MAML3: variants seen among roughly 807,000 people sequenced by gnomAD.
MAML3 encodes the protein mastermind like transcriptional coactivator 3.
MAML3 carries 27 observed loss-of-function variants against 101.9 expected under a neutral mutation model. The observed-to-expected ratio is 0.27, with a 90% confidence interval of 0.20 to 0.37. MAML3 has a LOEUF of 0.37. MAML3 is among the 10% of genes least tolerant of loss of function. The probability of loss-of-function intolerance (pLI) is 1.00; values close to 1 mark genes in which losing one functional copy is unlikely to be tolerated. For missense variants in MAML3, 1,316 were observed against 1,444.9 expected (o/e 0.91, Z 1.45); for synonymous variants, 501 against 555.9 (o/e 0.90, Z 1.39).
intron 1 of MAML3, among the ~76,000 whole-genome samples, chr4:140,012,018 A>C (rs1256039701): frequency 6.6e-6 from 1 of 152,188 alleles, no homozygotes; most frequent in Admixed American, 6.5e-5. Flanking sequence ...TCTCAAAAAA[A>C]AAAAAAGTCT....
chr4:139,811,043 G>A (rs1184034542), intron 2 of MAML3, among the ~76,000 whole-genome samples: 5 of 152,230 alleles, frequency 3.3e-5, no homozygotes, highest in African/African-American at 1.2e-4. Context: ...CAAGCATGAG[G>A]ATAAAAGCCA....
chr4:140,014,260 C>T (rs1726608590), intron 1 of MAML3, among the ~76,000 whole-genome samples: 1 of 152,090 alleles, frequency 6.6e-6, no homozygotes, highest in Non-Finnish European at 1.5e-5. Flanking sequence ...TCCAACCAAC[C>T]AGAGAGTAGA....
At chr4:139,915,056 A>C (rs1733001369) in intron 1 of MAML3, among the ~76,000 whole-genome samples, 1 of 152,222 alleles carries the variant, frequency 6.6e-6, no homozygotes, top group African/African-American at 2.4e-5. Context: ...ACCTTAAGTC[A>C]ACCGGGAGGC....
At chr4:139,942,723 G>C (rs777380060) in intron 1 of MAML3, among the ~76,000 whole-genome samples, 1 of 151,578 alleles carries the variant, frequency 6.6e-6, no homozygotes, top group Non-Finnish European at 1.5e-5. Flanking sequence ...CTATGATTAG[G>C]TATATTTCTT....
At chr4:139,730,391 T>G in intron 3 of MAML3, 25 bp downstream of exon 3, 2 of 1,543,880 alleles carry the variant, frequency 1.3e-6, no homozygotes, top group Non-Finnish European at 1.7e-6. Flanking sequence ...AATGAATGAA[T>G]GAATCACGCC....
intron 1 of MAML3, among the ~76,000 whole-genome samples, chr4:140,147,658 T>A (rs192126946): frequency 1.3e-5 from 2 of 152,356 alleles, no homozygotes; most frequent in African/African-American, 2.4e-5. Context: ...GTTTTAAATA[T>A]GTTCCTCTTT....
At chr4:140,003,256 G>A (rs935408364) in intron 1 of MAML3, among the ~76,000 whole-genome samples, 5 of 152,178 alleles carry the variant, frequency 3.3e-5, no homozygotes, top group Non-Finnish European at 7.3e-5. Flanking sequence ...GGAAGTGACA[G>A]CAGCATTGCT....
chr4:139,930,202 C>T (rs1357509017), intron 1 of MAML3, among the ~76,000 whole-genome samples: 2 of 152,134 alleles, frequency 1.3e-5, no homozygotes, highest in Admixed American at 6.5e-5. Context: ...GAAAGTACCA[C>T]GTGGAAGATG....
chr4:140,017,798 G>C (rs890530202), intron 1 of MAML3, among the ~76,000 whole-genome samples: 2 of 68,306 alleles, frequency 2.9e-5, no homozygotes, highest in Non-Finnish European at 7.0e-5. Context: ...AATAGGTGTA[G>C]CTATAACAGG....
At chr4:140,140,518 T>C (rs111326009) in intron 1 of MAML3, among the ~76,000 whole-genome samples, 3 of 152,022 alleles carry the variant, frequency 2.0e-5, no homozygotes, top group Non-Finnish European at 4.4e-5. Flanking sequence ...AAGCTTACAG[T>C]GAGCACATAG....
At chr4:140,016,682 G>T (rs10024716) in intron 1 of MAML3, among the ~76,000 whole-genome samples, 2 of 151,890 alleles carry the variant, frequency 1.3e-5, no homozygotes, top group East Asian at 3.9e-4. Context: ...GCAATTTCAC[G>T]GAGGAAGGAC....
At chr4:140,106,393 A>G (rs1168140082) in intron 1 of MAML3, among the ~76,000 whole-genome samples, 3 of 152,202 alleles carry the variant, frequency 2.0e-5, no homozygotes, top group Non-Finnish European at 2.9e-5. Context: ...CTTACATGAT[A>G]CACATGGTAA....
chr4:139,909,339 C>T (rs541838553), intron 1 of MAML3, among the ~76,000 whole-genome samples: 2 of 152,156 alleles, frequency 1.3e-5, no homozygotes, highest in Non-Finnish European at 2.9e-5. Flanking sequence ...GAATATTTAA[C>T]GAACAGGTAT....
intron 2 of MAML3, among the ~76,000 whole-genome samples, chr4:139,823,811 G>T (rs1731015996): frequency 6.6e-6 from 1 of 151,144 alleles, no homozygotes; most frequent in Non-Finnish European, 1.5e-5. Flanking sequence ...AGTGCCTAGA[G>T]CAGTGGCTGG....
In MAML3 at chr4:139,735,473, G is replaced by C. The variant is rs569637267; in HGVS notation, c.2080-4806C>G. ...TAGGGGGGCAGTGGCGACCTCCGGGGGGGGAGGGTGGCGGACACCAGACCC... is the reference window on the plus strand; with the variant it reads ...TAGGGGGGCAGTGGCGACCTCCGGGCGGGGAGGGTGGCGGACACCAGACCC... On this transcript the variant is annotated intron_variant, in intron 2 of 4. Transcript: ENST00000509479. This position sits in a 1 kb window ranked among gnomAD's most constrained non-coding sequence, Gnocchi z 5.8. Among the ~76,000 whole-genome samples the C allele has an allele frequency of 6.6e-6, 1 of 151,912 alleles. No homozygotes were observed. The highest frequency in any genetic ancestry group is 6.5e-5 in the Admixed American group (1 of 15,274).
rs554731473 is a variant in MAML3 at position 139,875,520 on chromosome 4, T to C, written c.2079+13837A>G. On this transcript the variant is annotated intron_variant, in intron 2 of 4. Coordinates refer to ENST00000509479, the MANE Select transcript of MAML3 (RefSeq NM_018717.5). The stretch of plus-strand genomic sequence containing the variant: ...CACCTTTCTTTCTCAACATAATTAA[T>C]GAGGCTCATCAAAACCCTAGAAAAC... Among the ~76,000 whole-genome samples, 80 of 152,280 alleles carry C rather than the reference T, an allele frequency of 5.3e-4. 1 individual carries two copies. The South Asian group carries it at 0.015, about 28-fold the overall frequency.
chr4:139,932,940 A>C (rs1380371029), intron 1 of MAML3, among the ~76,000 whole-genome samples: 1 of 152,202 alleles, frequency 6.6e-6, no homozygotes, highest in Non-Finnish European at 1.5e-5. Context: ...TTGAAAAATG[A>C]GCTTGGTCTG....
intron 1 of MAML3, among the ~76,000 whole-genome samples, chr4:139,950,050 A>G (rs80018810): frequency 6.6e-6 from 1 of 151,224 alleles, no homozygotes. Flanking sequence ...AATATTAACG[A>G]TTTTTTTTTG....
At chr4:139,930,288 T>A (rs1733356723) in intron 1 of MAML3, among the ~76,000 whole-genome samples, 1 of 152,068 alleles carries the variant, frequency 6.6e-6, no homozygotes, top group Non-Finnish European at 1.5e-5. Flanking sequence ...TGCTAAAAAA[T>A]CTAAGGGTGC....
Sources: allele counts gnomAD v4.1 joint callset (sites outside exome capture counted in the v4.1 genomes callset), GRCh38; gene constraint gnomAD v4.1.1; non-coding constraint Gnocchi (gnomAD v3.1); transcripts MANE v1.5; gene names NCBI Gene and HGNC (gene_info 2026-07-23, HGNC 2026-07-21).